The following GLI3 variants were observed in gnomAD, a reference collection of about 807,000 sequenced individuals.
GLI3 encodes GLI family zinc finger 3, also known as transcription activator GLI3.
GLI3 carries 20 observed loss-of-function variants against 100.8 expected under a neutral mutation model. The observed-to-expected ratio is 0.20, with a 90% CI of 0.14 to 0.29. The LOEUF is 0.29. Among genes scored for constraint, GLI3 ranks in the 10% least tolerant of loss-of-function variants. GLI3 has a pLI of 1.00. For missense variants in GLI3, 2,040 were observed against 2,128.5 expected (o/e 0.96, Z 0.82); for synonymous variants, 938 against 860.5 (o/e 1.09, Z -1.58).
chr7:42,067,247 G>A (rs1339660328), intron 4 of GLI3, among the ~76,000 whole-genome samples: 1 of 152,122 alleles, frequency 6.6e-6, no homozygotes, highest in Non-Finnish European at 1.5e-5. Flanking sequence ...TCCTTAGTGT[G>A]CATAGTATAT....
chr7:42,050,295 T>G (rs1295873278), intron 4 of GLI3, among the ~76,000 whole-genome samples: 1 of 152,158 alleles, frequency 6.6e-6, no homozygotes, highest in East Asian at 1.9e-4. Context: ...CACCAGCAAA[T>G]AGCTATTTCT....
At chr7:42,012,521 G>T (rs1273155533) in intron 10 of GLI3, among the ~76,000 whole-genome samples, 1 of 152,146 alleles carries the variant, frequency 6.6e-6, no homozygotes, top group East Asian at 1.9e-4. Context: ...CTAGACCATT[G>T]CTCAGGGTTA....
In GLI3 at chr7:42,091,505, C is replaced by T. The variant is rs561227268; in HGVS notation, c.368-14648G>A. ...GACATCAACCCCACGACGATGCTCT[C>T]TTGCTGCCACTGGGGCCTGCGCACA... On this transcript the variant is annotated intron_variant, in intron 3 of 14. Coordinates refer to ENST00000395925, the MANE Select transcript of GLI3 (RefSeq NM_000168.6). Among the ~76,000 whole-genome samples the T allele has an allele frequency of 9.2e-5, 14 of 152,386 alleles. No individual in the cohort carries two copies. In the East Asian group the frequency reaches 2.3e-3, roughly 25 times the overall value.
chr7:42,197,632 G>C (rs1166375541), intron 2 of GLI3, among the ~76,000 whole-genome samples: 1 of 152,180 alleles, frequency 6.6e-6, no homozygotes, highest in African/African-American at 2.4e-5. Flanking sequence ...GAGAAGGATG[G>C]GGGCCTTTGT....
chr7:41,972,721 A>T lies in GLI3; in HGVS notation c.1813-94T>A. 9.7e-7 allele frequency: 1 copy of T among 1,029,888 alleles called. No homozygotes were observed. The highest frequency in any genetic ancestry group is 2.5e-5 in the East Asian group (1 of 40,198). 63.8% of individuals were successfully genotyped at this position (1,029,888 alleles called of 1,614,324 possible). A position where few individuals can be genotyped will look rare whatever the true frequency, so the allele number is the denominator to read the frequency against. On this transcript the variant is annotated intron_variant, in intron 12 of 14. Coordinates refer to ENST00000395925, the MANE Select transcript of GLI3 (RefSeq NM_000168.6). This position sits in a 1 kb window ranked among gnomAD's most constrained non-coding sequence, Gnocchi z 4.4. ...TTTATGGTTGCTCATTACATTTTTAATCCTTTCAAAACACTTTCACAAGGC... is the reference window on the plus strand; with the variant it reads ...TTTATGGTTGCTCATTACATTTTTATTCCTTTCAAAACACTTTCACAAGGC...
intron 3 of GLI3, among the ~76,000 whole-genome samples, chr7:42,082,114 C>A (rs1197386934): frequency 6.6e-6 from 1 of 151,734 alleles, no homozygotes; most frequent in Non-Finnish European, 1.5e-5. Flanking sequence ...AATCACCATC[C>A]AGCTTCTATA....
intron 3 of GLI3, among the ~76,000 whole-genome samples, chr7:42,082,564 G>A (rs1785018757): frequency 6.6e-6 from 1 of 152,086 alleles, no homozygotes; most frequent in South Asian, 2.1e-4. Context: ...AGGACTTGCT[G>A]GGCAGAATCC....
At chr7:42,241,429 C>G (rs965447379), upstream of GLI3, among the ~76,000 whole-genome samples, 1 of 152,138 alleles carries the variant, frequency 6.6e-6, no homozygotes, top group Non-Finnish European at 1.5e-5. Context: ...TGCCAGCCAG[C>G]CTGCATGTAA....
At chr7:42,113,249 A>G in intron 3 of GLI3, 1 of 488,424 alleles carries the variant, frequency 2.0e-6, no homozygotes, top group South Asian at 1.6e-5. Context: ...TAAGAAATAC[A>G]GAAGTACGGA....
intron 10 of GLI3, among the ~76,000 whole-genome samples, chr7:41,988,200 G>A (rs550319322): frequency 1.5e-3 from 228 of 152,234 alleles, no homozygotes; most frequent in Non-Finnish European, 2.7e-3. Context: ...GGTGGCTCAC[G>A]CCTGTAATCC....
At chr7:41,983,840 C>A (rs1326243017) in intron 10 of GLI3, among the ~76,000 whole-genome samples, 1 of 152,154 alleles carries the variant, frequency 6.6e-6, no homozygotes, top group Non-Finnish European at 1.5e-5. Context: ...TTCAGTTTTC[C>A]AATTGGGGCT....
chr7:42,150,381 T>A (rs914777081), intron 2 of GLI3, among the ~76,000 whole-genome samples: 3 of 152,172 alleles, frequency 2.0e-5, no homozygotes, highest in Non-Finnish European at 4.4e-5. Context: ...AAATTCACAG[T>A]CTATAGAATA....
chr7:42,059,419 TATATAA>T (rs1348972890), intron 4 of GLI3, among the ~76,000 whole-genome samples: 110 of 149,976 alleles, frequency 7.3e-4, no homozygotes, highest in Non-Finnish European at 8.7e-4. Context: ...ATGTATGTAT[TATATAA>T]ATATAAAGTG....
At chr7:42,047,586 C>T (rs1374155271) in intron 5 of GLI3, among the ~76,000 whole-genome samples, 2 of 152,096 alleles carry the variant, frequency 1.3e-5, no homozygotes, top group South Asian at 2.1e-4. Flanking sequence ...CCTATGTGTG[C>T]GTGATATGGA....
intron 2 of GLI3, among the ~76,000 whole-genome samples, chr7:42,214,313 G>C (rs942990137): frequency 2.2e-4 from 34 of 152,126 alleles, no homozygotes; most frequent in African/African-American, 8.0e-4. Context: ...CCATTGTGTG[G>C]CACAGTCAGA....
At position 42,050,857 on chromosome 7, in the gene GLI3, G is replaced by A. The variant is rs142779534; in HGVS notation, c.474-2161C>T. Reference sequence around the variant, plus strand: ...GAAGAGTGGTAAGAATATCCCTAGAGGTCCAAATTCTATTTTGGAGAATTA... The same window carrying A: ...GAAGAGTGGTAAGAATATCCCTAGAAGTCCAAATTCTATTTTGGAGAATTA... On this transcript the variant is annotated intron_variant, in intron 4 of 14. Transcript: ENST00000395925. 1.3e-3 allele frequency among the ~76,000 whole-genome samples: 196 copies of A among 152,204 alleles called. 4 individuals carry two copies. The highest frequency in any genetic ancestry group is 4.3e-3 in the African/African-American group (179 of 41,500).
At chr7:41,986,708 G>T (rs1020397689) in intron 10 of GLI3, among the ~76,000 whole-genome samples, 1 of 151,958 alleles carries the variant, frequency 6.6e-6, no homozygotes, top group African/African-American at 2.4e-5. Flanking sequence ...GGGTTTCTTT[G>T]TAGGGTAAGG....
intron 10 of GLI3, among the ~76,000 whole-genome samples, chr7:41,986,303 A>C (rs1187404147): frequency 6.6e-6 from 1 of 152,202 alleles, no homozygotes; most frequent in Non-Finnish European, 1.5e-5. Context: ...ATGTGTAAGA[A>C]AGGCAAAGTT....
At chr7:41,974,744 C>T (rs1787463282) in intron 12 of GLI3, among the ~76,000 whole-genome samples, 1 of 152,204 alleles carries the variant, frequency 6.6e-6, no homozygotes, top group Admixed American at 6.5e-5. Context: ...AGATCATGTA[C>T]ATGAAGTGCT....
Sources: allele counts gnomAD v4.1 joint callset (sites outside exome capture counted in the v4.1 genomes callset), GRCh38; gene constraint gnomAD v4.1.1; non-coding constraint Gnocchi (gnomAD v3.1); transcripts MANE v1.5; gene names NCBI Gene and HGNC (gene_info 2026-07-23, HGNC 2026-07-21).